Variants in PICALM observed in about 807,000 individuals in gnomAD.
PICALM encodes phosphatidylinositol-binding clathrin assembly protein.
Under a neutral mutation model 80.5 loss-of-function variants are expected in PICALM, and 40 were observed. The ratio of observed to expected loss-of-function variants is 0.50; its 90% CI spans 0.39 to 0.65. PICALM has a LOEUF of 0.65. Ranked by LOEUF, PICALM falls within the 30% of genes least tolerant of loss-of-function variation. The probability of loss-of-function intolerance (pLI) is 0.00; values close to 1 mark genes in which losing one functional copy is unlikely to be tolerated. For synonymous variants in PICALM, 288 were observed against 260.3 expected, an observed-to-expected ratio of 1.11 and a Z score of -1.02; for missense variants, 676 against 778.9, an observed-to-expected ratio of 0.87 and a Z score of 1.57.
intron 1 of PICALM, among the ~76,000 whole-genome samples, chr11:86,064,651 T>A (rs115981665): frequency 0.013 from 1,655 of 127,130 alleles, 11 homozygotes; most frequent in African/African-American, 0.017. Context: ...CACCTCATTT[T>A]AAAAAAAAAA....
At chr11:85,959,458 C>T (rs1287708708) in intron 19 of PICALM, among the ~76,000 whole-genome samples, 1 of 151,740 alleles carries the variant, frequency 6.6e-6, no homozygotes, top group Non-Finnish European at 1.5e-5. Context: ...TATGGTGAAA[C>T]CCCGTCTCTA....
intron 8 of PICALM, among the ~76,000 whole-genome samples, chr11:86,005,844 T>G (rs532430194): frequency 6.6e-6 from 1 of 151,812 alleles, no homozygotes; most frequent in East Asian, 1.9e-4. Flanking sequence ...GTCCCTAAAG[T>G]GTAAATAGCT....
chr11:86,024,625 T>C (rs1252621679), intron 3 of PICALM, among the ~76,000 whole-genome samples: 2 of 152,074 alleles, frequency 1.3e-5, no homozygotes, highest in African/African-American at 4.8e-5. Flanking sequence ...CTCTCTCTAC[T>C]GCATTATAAA....
chr11:85,964,684 T>C (rs1314798215), intron 19 of PICALM, among the ~76,000 whole-genome samples: 1 of 6,004 alleles, frequency 1.7e-4, no homozygotes, highest in African/African-American at 1.5e-3. Flanking sequence ...CCGTGCTCTG[T>C]TATGTCTTTC....
At chr11:86,062,764 G>A (rs1247961044) in intron 1 of PICALM, among the ~76,000 whole-genome samples, 3 of 152,164 alleles carry the variant, frequency 2.0e-5, no homozygotes, top group Non-Finnish European at 4.4e-5. Context: ...TGCCCAAAAT[G>A]ATTCACATAC....
chr11:86,033,150 A>G (rs1164519732), intron 1 of PICALM, among the ~76,000 whole-genome samples: 2 of 152,216 alleles, frequency 1.3e-5, no homozygotes, highest in Non-Finnish European at 2.9e-5. Context: ...CTAGATCTTC[A>G]TAGCACTTTA....
chr11:85,978,280 G>T, intron 17 of PICALM: 2 of 508,882 alleles, frequency 3.9e-6, no homozygotes, highest in East Asian at 3.3e-5. Context: ...GGTTGACAAG[G>T]GAATTGTAGT....
At chr11:85,984,959 A>G (rs1241018162) in intron 13 of PICALM, among the ~76,000 whole-genome samples, 1 of 152,166 alleles carries the variant, frequency 6.6e-6, no homozygotes, top group Non-Finnish European at 1.5e-5. Flanking sequence ...CAAGGATCAC[A>G]AAGAAGAAAT....
At chr11:86,065,997 C>T (rs953885511) in intron 1 of PICALM, among the ~76,000 whole-genome samples, 3 of 152,066 alleles carry the variant, frequency 2.0e-5, no homozygotes, top group African/African-American at 7.2e-5. Flanking sequence ...TCATTAGATT[C>T]ATATAAATAA....
chr11:86,059,258 G>T (rs951876172), intron 1 of PICALM, among the ~76,000 whole-genome samples: 1 of 152,174 alleles, frequency 6.6e-6, no homozygotes, highest in Non-Finnish European at 1.5e-5. Flanking sequence ...AGCACCCATG[G>T]GGGGTTGCTG....
rs147187443 is a variant in PICALM at position 86,058,049 on chromosome 11, T to C, written c.130+10602A>G. On this transcript the variant is annotated intron_variant, in intron 1 of 19. Coordinates refer to ENST00000393346, the MANE Select transcript of PICALM (RefSeq NM_007166.4). ...GCATGAGGCGGATTTCTGCCAACAA[T>C]TGTTTGAAGTATATTAAAAAGACTT... is the stretch of plus-strand genomic sequence containing the variant. Among the ~76,000 whole-genome samples, 62 of 152,334 alleles carry C rather than the reference T, an allele frequency of 4.1e-4. 1 individual carries two copies. In the East Asian group the frequency reaches 9.4e-3, roughly 23 times the overall value.
In PICALM at chr11:86,056,071, G is replaced by A. The variant is rs191796723; in HGVS notation, c.130+12580C>T. On this transcript the variant is annotated intron_variant, in intron 1 of 19. Coordinates refer to ENST00000393346, the MANE Select transcript of PICALM (RefSeq NM_007166.4). The stretch of plus-strand genomic sequence containing the variant: ...GGATCACTTGAACCTGGGAGGCGAA[G>A]TTGCAGTGAGCCAAGATCACACCAC... 9.2e-5 allele frequency among the ~76,000 whole-genome samples: 13 copies of A among 141,028 alleles called. No individual in the cohort carries two copies. In the East Asian group the frequency reaches 2.6e-3, roughly 29 times the overall value. The allele number at this position is 141,028 out of a possible 152,430, so 92.5% of individuals were successfully genotyped here.
rs138250170 is a variant in PICALM at position 86,045,742 on chromosome 11, A to C, written c.131-14131T>G. ...ATATGAAGAGTCTCCTAAATTTCTT[A>C]AAGAGTGTATCTTTATCCTGGCTTG... On this transcript the variant is annotated intron_variant, in intron 1 of 19. Coordinates refer to ENST00000393346, the MANE Select transcript of PICALM (RefSeq NM_007166.4). Among the ~76,000 whole-genome samples the C allele has an allele frequency of 1.7e-3, 266 of 152,248 alleles. 1 individual carries two copies. Among genetic ancestry groups the C allele is most frequent in the African/African-American group, 5.9e-3 (247 of 41,546 alleles).
chr11:85,985,281 G>T (rs149931715), intron 13 of PICALM, among the ~76,000 whole-genome samples: 1 of 152,278 alleles, frequency 6.6e-6, no homozygotes, highest in Non-Finnish European at 1.5e-5. Flanking sequence ...ACAAGATTTG[G>T]TGAGATGTCC....
intron 1 of PICALM, among the ~76,000 whole-genome samples, chr11:86,039,914 G>A (rs991906165): frequency 1.2e-4 from 18 of 146,298 alleles, no homozygotes; most frequent in African/African-American, 3.3e-4. Context: ...TGAAGCAGGA[G>A]AATGACATGA....
At chr11:86,050,274 A>G (rs995502844) in intron 1 of PICALM, among the ~76,000 whole-genome samples, 1 of 151,870 alleles carries the variant, frequency 6.6e-6, no homozygotes, top group African/African-American at 2.4e-5. Context: ...CCCCCCCAAA[A>G]AAAAAGCCAA....
At chr11:86,018,360 CTATT>C (rs1565431372) in intron 4 of PICALM, among the ~76,000 whole-genome samples, 5 of 152,206 alleles carry the variant, frequency 3.3e-5, no homozygotes, top group African/African-American at 7.2e-5. Flanking sequence ...ATACAAATAA[CTATT>C]TAAGCCAATA....
At chr11:86,020,976 G>T (rs1003907932) in intron 4 of PICALM, among the ~76,000 whole-genome samples, 1 of 152,138 alleles carries the variant, frequency 6.6e-6, no homozygotes, top group Non-Finnish European at 1.5e-5. Context: ...TTATTTATGC[G>T]ATAAGAAACT....
intron 7 of PICALM, 135 bp from the exon 8 acceptor site, chr11:86,007,718 C>CAA: frequency 3.2e-6 from 1 of 315,480 alleles, no homozygotes; most frequent in Admixed American, 4.8e-5. Flanking sequence ...ATTTAATCTC[C>CAA]AAAAATACTC....
Sources: gnomAD v4.1 joint callset for allele counts (sites outside exome capture counted in the v4.1 genomes callset) on GRCh38, gnomAD v4.1.1 for gene constraint, MANE v1.5 for transcripts, NCBI Gene and HGNC (gene_info 2026-07-23, HGNC 2026-07-21) for gene names.